CCSER1: variants seen among roughly 807,000 people sequenced by gnomAD.
CCSER1 encodes the protein serine-rich coiled-coil domain-containing protein 1.
In CCSER1, 41 loss-of-function variants were observed where a neutral mutation model predicts 82.0. That is an observed-to-expected ratio of 0.50 (90% CI 0.39 to 0.65). The LOEUF is 0.65. Ranked by LOEUF, CCSER1 falls within the 30% of genes least tolerant of loss-of-function variation. CCSER1 has a pLI of 0.00. For missense variants in CCSER1, 1,119 were observed against 1,064.2 expected (o/e 1.05, Z -0.72); for synonymous variants, 414 against 383.9 (o/e 1.08, Z -0.92).
At chr4:90,886,089 T>C (rs919443552) in intron 8 of CCSER1, among the ~76,000 whole-genome samples, 20 of 152,154 alleles carry the variant, frequency 1.3e-4, no homozygotes, top group African/African-American at 4.8e-4. Flanking sequence ...CCTAGTCAGA[T>C]GATCAAAGTC....
chr4:90,911,089 C>A (rs1184140544), intron 8 of CCSER1, among the ~76,000 whole-genome samples: 1 of 152,186 alleles, frequency 6.6e-6, no homozygotes, highest in Non-Finnish European at 1.5e-5. Flanking sequence ...AGGAACTTAG[C>A]AACGTGGAGA....
At position 91,232,926 on chromosome 4, in the gene CCSER1, A is replaced by G. The variant is rs78505598; in HGVS notation, c.2217+146932A>G. ...AGGGTTTTGTGCTGTGTGAAAATGT[A>G]GACATATACATGGGTAGATATGTAT... On this transcript the variant is annotated intron_variant, in intron 10 of 10. Transcript: ENST00000509176. Among the ~76,000 whole-genome samples the G allele has an allele frequency of 5.8e-3, 880 of 151,922 alleles. 5 individuals carry two copies. Among genetic ancestry groups the G allele is most frequent in the Middle Eastern group, 0.027 (8 of 294 alleles).
rs537293252 is a variant in CCSER1, at chr4:90,995,011, A to G, written c.2172+71564A>G. ...CACAGAGCAGAGCAGAGCATCTGAC[A>G]TGCTTTCCATTCTGCACTCTGATCC... On this transcript the variant is annotated intron_variant, in intron 9 of 10. Coordinates refer to ENST00000509176, the MANE Select transcript of CCSER1 (RefSeq NM_001145065.2). Among the ~76,000 whole-genome samples, 269 of 152,314 alleles carry G rather than the reference A, an allele frequency of 1.8e-3. 1 individual carries two copies. The highest frequency in any genetic ancestry group is 2.5e-3 in the Non-Finnish European group (173 of 68,022).
intron 5 of CCSER1, among the ~76,000 whole-genome samples, chr4:90,564,906 T>C (rs972064449): frequency 1.3e-5 from 2 of 152,162 alleles, no homozygotes; most frequent in African/African-American, 4.8e-5. Flanking sequence ...AGTGCCACAC[T>C]CTTTCGTAAC....
At chr4:90,267,246 A>G (rs1725398870) in intron 1 of CCSER1, among the ~76,000 whole-genome samples, 1 of 151,952 alleles carries the variant, frequency 6.6e-6, no homozygotes, top group South Asian at 2.1e-4. Context: ...GGACACAGGG[A>G]GAATCTCCTG....
chr4:90,685,414 T>C (rs1412577593), intron 6 of CCSER1, among the ~76,000 whole-genome samples: 1 of 152,150 alleles, frequency 6.6e-6, no homozygotes, highest in Admixed American at 6.6e-5. Context: ...AAGCAAAAAT[T>C]ATTACTAATT....
chr4:91,295,024 C>T (rs1038171363), intron 10 of CCSER1, among the ~76,000 whole-genome samples: 5 of 151,908 alleles, frequency 3.3e-5, no homozygotes, highest in Non-Finnish European at 5.9e-5. Flanking sequence ...AGGTAGAAGA[C>T]GATACTCTTA....
chr4:90,945,676 A>G (rs1732151727), intron 9 of CCSER1, among the ~76,000 whole-genome samples: 1 of 152,162 alleles, frequency 6.6e-6, no homozygotes, highest in Admixed American at 6.5e-5. Context: ...CGAACCGCTA[A>G]TGCTATTTCT....
intron 1 of CCSER1, among the ~76,000 whole-genome samples, chr4:90,263,171 C>T (rs11941322): frequency 0.045 from 6,830 of 152,272 alleles, 398 homozygotes; most frequent in African/African-American, 0.13. Flanking sequence ...TCCTGCCATC[C>T]GGATTCTTTT....
chr4:91,074,232 G>A (rs1042137679), intron 9 of CCSER1, among the ~76,000 whole-genome samples: 2 of 151,568 alleles, frequency 1.3e-5, no homozygotes, highest in Admixed American at 6.6e-5. Context: ...AATATAACAT[G>A]TGATAAGGCT....
intron 9 of CCSER1, among the ~76,000 whole-genome samples, chr4:91,036,149 T>C (rs1342411535): frequency 2.6e-5 from 4 of 152,282 alleles, no homozygotes; most frequent in Admixed American, 1.3e-4. Context: ...CTAAAAGTGC[T>C]ACAGTATATG....
intron 4 of CCSER1, among the ~76,000 whole-genome samples, chr4:90,461,501 G>A (rs1257342872): frequency 1.3e-5 from 2 of 152,136 alleles, no homozygotes; most frequent in East Asian, 1.9e-4. Flanking sequence ...AGGTATTGCC[G>A]ATGACCTATG....
At chr4:91,351,888 T>G (rs910977391) in intron 10 of CCSER1, among the ~76,000 whole-genome samples, 15 of 152,174 alleles carry the variant, frequency 9.9e-5, no homozygotes, top group African/African-American at 3.4e-4. Flanking sequence ...TCCTCTTTGG[T>G]GAACCCTCCA....
At chr4:91,247,218 C>G (rs1322326505) in intron 10 of CCSER1, among the ~76,000 whole-genome samples, 1 of 151,024 alleles carries the variant, frequency 6.6e-6, no homozygotes, top group African/African-American at 2.4e-5. Context: ...AGGAGAATGG[C>G]ATGAACCCGG....
At chr4:90,965,771 G>A in intron 9 of CCSER1, among the ~76,000 whole-genome samples, 1 of 151,910 alleles carries the variant, frequency 6.6e-6, no homozygotes, top group Non-Finnish European at 1.5e-5. Flanking sequence ...GACGTGAGAA[G>A]ACACAAGAAA....
intron 10 of CCSER1, among the ~76,000 whole-genome samples, chr4:91,380,005 C>G (rs1451441923): frequency 2.0e-5 from 3 of 152,084 alleles, no homozygotes; most frequent in Admixed American, 2.0e-4. Flanking sequence ...TCGTTATGTA[C>G]CCAGTAGTCA....
At position 90,468,316 on chromosome 4, in the gene CCSER1, G is replaced by A. The variant is rs752273672; in HGVS notation, c.1686G>A (p.Lys562=). 6.2e-7 allele frequency: 1 copy of A among 1,607,296 alleles called. No individual in the cohort carries two copies. Among genetic ancestry groups the A allele is most frequent in the Non-Finnish European group, 8.5e-7 (1 of 1,175,776 alleles). ...CTATGGAACCAATGATAGAAATGAA[G>A]AAAAGAGAAGAACCAGAATTTCCTG... The part of the protein sequence containing the change: ...LTPMEPMIEM[K]KREEPEFPEP... Residue 562 remains lysine (K), a synonymous_variant, in exon 5 of 11, where the codon AAG becomes AAA. Coordinates refer to ENST00000509176, the MANE Select transcript of CCSER1 (RefSeq NM_001145065.2).
At chr4:91,302,918 G>A (rs13135319) in intron 10 of CCSER1, among the ~76,000 whole-genome samples, 35 of 150,858 alleles carry the variant, frequency 2.3e-4, no homozygotes, top group Admixed American at 3.3e-4. Flanking sequence ...AATTTTTGAC[G>A]TTTTGCCCTA....
chr4:91,021,892 A>T (rs1740010541), intron 9 of CCSER1, among the ~76,000 whole-genome samples: 1 of 152,228 alleles, frequency 6.6e-6, no homozygotes, highest in Non-Finnish European at 1.5e-5. Context: ...CTATATGCAT[A>T]AACAAATATA....
Sources: allele counts gnomAD v4.1 joint callset (sites outside exome capture counted in the v4.1 genomes callset), GRCh38; gene constraint gnomAD v4.1.1; transcripts MANE v1.5; gene names NCBI Gene and HGNC (gene_info 2026-07-23, HGNC 2026-07-21).